The following ATG7 variants were observed in gnomAD, a reference collection of about 807,000 sequenced individuals.
The protein encoded by ATG7 is ubiquitin-like modifier-activating enzyme ATG7.
In ATG7, 70 loss-of-function variants were observed where a neutral mutation model predicts 82.4. The ratio of observed to expected loss-of-function variants is 0.85; its 90% CI spans 0.70 to 1.04. The LOEUF is 1.04. ATG7 is among the 50% of genes least tolerant of loss of function. ATG7 has a pLI of 0.00. For synonymous variants in ATG7, 287 were observed against 313.0 expected (o/e 0.92, Z 0.88); for missense variants, 792 against 864.3 (o/e 0.92, Z 1.05).
chr3:11,522,949 C>A (rs2092479722), intron 20 of ATG7, among the ~76,000 whole-genome samples: 1 of 152,190 alleles, frequency 6.6e-6, no homozygotes, highest in Non-Finnish European at 1.5e-5. Context: ...AAGCCACTTG[C>A]TTTTCCTCTC....
At chr3:11,377,461 C>A (rs1404293259) in intron 18 of ATG7, among the ~76,000 whole-genome samples, 1 of 152,116 alleles carries the variant, frequency 6.6e-6, no homozygotes, top group African/African-American at 2.4e-5. Context: ...TGTTGTTTTT[C>A]TTCTCTATTT....
chr3:11,540,216 G>T (rs1328390662), intron 20 of ATG7, among the ~76,000 whole-genome samples: 1 of 152,242 alleles, frequency 6.6e-6, no homozygotes, highest in South Asian at 2.1e-4. Flanking sequence ...CTTGGAAGCT[G>T]GTAGTCCTTT....
the ATG7 span, among the ~76,000 whole-genome samples, chr3:11,572,215 C>G: frequency 6.6e-6 from 1 of 152,328 alleles, no homozygotes; most frequent in South Asian, 2.1e-4. Flanking sequence ...TAGACCTCAT[C>G]TTAGTAAATT....
chr3:11,330,285 A>G (rs541781081), intron 9 of ATG7, among the ~76,000 whole-genome samples: 4 of 152,278 alleles, frequency 2.6e-5, no homozygotes, highest in East Asian at 3.9e-4. Flanking sequence ...AGAGGCCAGT[A>G]TTTGCTTATA....
intron 18 of ATG7, among the ~76,000 whole-genome samples, chr3:11,378,264 G>A (rs1377581974): frequency 6.0e-5 from 9 of 150,410 alleles, no homozygotes; most frequent in Non-Finnish European, 5.9e-5. Context: ...TGATCTGCCC[G>A]CCTCAGCCTC....
intron 1 of ATG7, among the ~76,000 whole-genome samples, chr3:11,273,608 G>A (rs893932305): frequency 1.3e-5 from 2 of 152,168 alleles, no homozygotes; most frequent in African/African-American, 4.8e-5. Context: ...CCAGCATATA[G>A]AGCAATGCCT....
At chr3:11,379,267 C>T (rs770613272) in intron 18 of ATG7, among the ~76,000 whole-genome samples, 1 of 152,170 alleles carries the variant, frequency 6.6e-6, no homozygotes, top group Non-Finnish European at 1.5e-5. Flanking sequence ...ATATATAGAA[C>T]AGCTTAAAGC....
chr3:11,432,331 A>G (rs529178701), intron 20 of ATG7, among the ~76,000 whole-genome samples: 53 of 152,360 alleles, frequency 3.5e-4, no homozygotes, highest in African/African-American at 9.9e-4. Flanking sequence ...TGCAATAAAA[A>G]AAATTTTAAT....
At chr3:11,564,747 G>GT in the ATG7 span, 1 of 1,508,774 alleles carries the variant, frequency 6.6e-7, no homozygotes, top group African/African-American at 1.5e-5. Flanking sequence ...ATCCAGCCCA[G>GT]TCCCCCAGCC....
the ATG7 span, chr3:11,568,504 C>T: frequency 6.1e-6 from 9 of 1,479,404 alleles, no homozygotes; most frequent in Non-Finnish European, 8.3e-6. This position sits in a 1 kb window ranked among gnomAD's most constrained non-coding sequence, Gnocchi z 5.9. Context: ...CCGTGGAACA[C>T]AGCACAGTGG....
intron 20 of ATG7, among the ~76,000 whole-genome samples, chr3:11,484,382 C>T (rs899352337): frequency 6.6e-6 from 1 of 151,982 alleles, no homozygotes; most frequent in Non-Finnish European, 1.5e-5. Context: ...TGACAGGAGA[C>T]TCCGTCTCAA....
At chr3:11,283,823 G>A (rs1943484577) in intron 3 of ATG7, among the ~76,000 whole-genome samples, 2 of 152,038 alleles carry the variant, frequency 1.3e-5, no homozygotes, top group African/African-American at 4.8e-5. Context: ...TCCCAGCTAT[G>A]TGGGAGGCCA....
chr3:11,480,937 A>C (rs2088890671), intron 20 of ATG7, among the ~76,000 whole-genome samples: 1 of 152,234 alleles, frequency 6.6e-6, no homozygotes, highest in South Asian at 2.1e-4. Flanking sequence ...TCCTGGTCAC[A>C]GCAGATGATC....
chr3:11,541,489 T>TTAC (rs2070831219), intron 20 of ATG7, among the ~76,000 whole-genome samples: 1 of 152,226 alleles, frequency 6.6e-6, no homozygotes, highest in African/African-American at 2.4e-5. Flanking sequence ...GTCTGCCTTG[T>TTAC]TACTTGGTCT....
At chr3:11,548,687 C>T (rs183165656) in intron 20 of ATG7, among the ~76,000 whole-genome samples, 11 of 152,290 alleles carry the variant, frequency 7.2e-5, no homozygotes, top group Admixed American at 4.6e-4. Flanking sequence ...ACTGAGCCCC[C>T]GTATCAGCCG....
intron 1 of ATG7, among the ~76,000 whole-genome samples, chr3:11,276,704 T>G (rs1941875515): frequency 6.6e-6 from 1 of 152,184 alleles, no homozygotes; most frequent in South Asian, 2.1e-4. Flanking sequence ...CTACTTTGTA[T>G]TATCTCTCTG....
chr3:11,415,758 C>CTT (rs58976243), intron 19 of ATG7, among the ~76,000 whole-genome samples: 54 of 146,640 alleles, frequency 3.7e-4, no homozygotes, highest in South Asian at 3.3e-3. Context: ...ATGCAGTTAA[C>CTT]TTTTTTTTTT....
At chr3:11,420,235 C>G (rs958157398) in intron 19 of ATG7, among the ~76,000 whole-genome samples, 5 of 152,212 alleles carry the variant, frequency 3.3e-5, no homozygotes, top group African/African-American at 1.2e-4. Flanking sequence ...AGAACCCTTA[C>G]ATGATTAAAT....
At position 11,556,614 on chromosome 3, in the gene ATG7, C is replaced by CT. The variant is rs201810263; in HGVS notation, c.*1780dup. 2,630 of 152,046 alleles carry CT rather than the reference C, an allele frequency of 0.017. 70 individuals carry two copies. Among genetic ancestry groups the CT allele is most frequent in the African/African-American group, 0.059 (2,430 of 41,288 alleles). The allele number at this position is 152,046 out of a possible 1,614,324, so 9.4% of individuals were successfully genotyped here. ...AATCTACGACAAAAAAAAAGATCAACTTTTTTTTTCCGAACAACAAAAAAA... is the reference window on the plus strand; with the variant it reads ...AATCTACGACAAAAAAAAAGATCAACTTTTTTTTTTCCGAACAACAAAAAAA... On this transcript the variant is annotated 3_prime_UTR_variant, in exon 21 of 21. Coordinates refer to ENST00000693202, the MANE Select transcript of ATG7 (RefSeq NM_001349232.2).
Sources: allele counts gnomAD v4.1 joint callset (sites outside exome capture counted in the v4.1 genomes callset), GRCh38; gene constraint gnomAD v4.1.1; non-coding constraint Gnocchi (gnomAD v3.1); transcripts MANE v1.5; gene names NCBI Gene and HGNC (gene_info 2026-07-23, HGNC 2026-07-21).